The following DHRSX variants were observed in gnomAD, a reference collection of about 807,000 sequenced individuals.
DHRSX encodes dehydrogenase/reductase X-linked, also known as polyprenol dehydrogenase.
A neutral mutation model predicts 34.0 loss-of-function variants in DHRSX; 31 were observed. The observed-to-expected ratio is 0.91, with a 90% CI of 0.69 to 1.23. The LOEUF is 1.23. Among genes scored for constraint, DHRSX ranks in the 50% most tolerant of loss-of-function variants. DHRSX has a pLI of 0.00. For synonymous variants in DHRSX, 201 were observed against 183.8 expected, an observed-to-expected ratio of 1.09 and a Z score of -0.76; for missense variants, 414 against 428.1, an observed-to-expected ratio of 0.97 and a Z score of 0.29.
At chrX:2,304,107 AGATGGATGGATGGATAAATG>A (rs1569485835) in intron 3 of DHRSX, among the ~76,000 whole-genome samples, 2 of 47,214 alleles carry the variant, frequency 4.2e-5, no homozygotes, top group South Asian at 8.0e-4. Context: ...ATGGATGGAT[AGATGGATGGATGGATAAATG>A]GATGGATGGA....
chrX:2,272,645 C>A lies in DHRSX; in HGVS notation c.389-5698G>T, dbSNP rs1226203372. The stretch of plus-strand genomic sequence containing the variant: ...AAAAGACTGAGCACCTTCAGCCTGA[C>A]ATGCTGGAGAGGCCCCAGGTACCTG... On this transcript the variant is annotated intron_variant, in intron 4 of 6. Transcript: ENST00000334651. 2.6e-5 allele frequency among the ~76,000 whole-genome samples: 4 copies of A among 152,078 alleles called. No homozygotes were observed. In the East Asian group the frequency reaches 7.7e-4, roughly 29 times the overall value.
At chrX:2,223,024 A>T (rs1354766179) in intron 6 of DHRSX, among the ~76,000 whole-genome samples, 1 of 152,182 alleles carries the variant, frequency 6.6e-6, no homozygotes, top group Non-Finnish European at 1.5e-5. Context: ...GGATGGAGCT[A>T]GAGAACTTCC....
chrX:2,456,270 G>C (rs756160312), intron 1 of DHRSX, among the ~76,000 whole-genome samples: 1 of 152,260 alleles, frequency 6.6e-6, no homozygotes, highest in African/African-American at 2.4e-5. Context: ...TGACTCATTT[G>C]TCACAGGTAG....
intron 1 of DHRSX, among the ~76,000 whole-genome samples, chrX:2,477,978 C>T (rs1173965336): frequency 2.0e-5 from 3 of 152,194 alleles, no homozygotes; most frequent in Admixed American, 1.3e-4. Flanking sequence ...CAAGTCTACA[C>T]GGATATAAAG....
At chrX:2,248,246 A>G (rs2016343733) in intron 5 of DHRSX, among the ~76,000 whole-genome samples, 1 of 152,092 alleles carries the variant, frequency 6.6e-6, no homozygotes, top group East Asian at 1.9e-4. Flanking sequence ...ATCTTGGCTA[A>G]TACGGTGAAA....
intron 3 of DHRSX, among the ~76,000 whole-genome samples, chrX:2,357,128 C>G (rs1055544547): frequency 1.3e-5 from 2 of 152,034 alleles, no homozygotes; most frequent in Non-Finnish European, 2.9e-5. Flanking sequence ...CCTGTAATGC[C>G]AGCTACTCAG....
chrX:2,276,010 A>G (rs1357137605), intron 4 of DHRSX, among the ~76,000 whole-genome samples: 1 of 151,782 alleles, frequency 6.6e-6, no homozygotes, highest in Non-Finnish European at 1.5e-5. Context: ...TGCCCAGCTA[A>G]TTTCTGTATT....
At chrX:2,433,648 T>A (rs1434556666) in intron 1 of DHRSX, among the ~76,000 whole-genome samples, 1 of 152,084 alleles carries the variant, frequency 6.6e-6, no homozygotes, top group Non-Finnish European at 1.5e-5. Flanking sequence ...AGTGAGAACA[T>A]GTGGTGTTTG....
chrX:2,293,842 GC>G (rs967808754), intron 3 of DHRSX, among the ~76,000 whole-genome samples: 5 of 152,008 alleles, frequency 3.3e-5, no homozygotes, highest in Non-Finnish European at 5.9e-5. Flanking sequence ...GTCTGCCTGT[GC>G]CCCCCATGTC....
At chrX:2,364,668 ATCT>A (rs1467554441) in intron 3 of DHRSX, among the ~76,000 whole-genome samples, 1 of 152,126 alleles carries the variant, frequency 6.6e-6, no homozygotes, top group Non-Finnish European at 1.5e-5. Context: ...ACCATTTATC[ATCT>A]ATCATCTACT....
At chrX:2,242,540 T>C (rs1458050940) in intron 6 of DHRSX, among the ~76,000 whole-genome samples, 6 of 151,766 alleles carry the variant, frequency 4.0e-5, no homozygotes, top group Non-Finnish European at 8.8e-5. Context: ...AGTCGCAGGA[T>C]GAGATAAGAG....
At chrX:2,301,659 G>A (rs1413624334) in intron 3 of DHRSX, among the ~76,000 whole-genome samples, 23 of 152,110 alleles carry the variant, frequency 1.5e-4, no homozygotes, top group Admixed American at 1.5e-3. Context: ...TGTTGTTTGA[G>A]ATGGAGTTTC....
rs781362868 is a variant in DHRSX, at chrX:2,266,904, G to A, written c.432C>T (p.Phe144=). ...MVPQRKTRDG[F]EEHFGLNYLG... is the part of the protein sequence containing the mutation. Reference sequence around the variant, plus strand: ...GGTAGTTCAGGCCGAAATGTTCTTCGAATCCATCTCTGGTTTTCCTCTGAG... The same window carrying A: ...GGTAGTTCAGGCCGAAATGTTCTTCAAATCCATCTCTGGTTTTCCTCTGAG... Residue 144 remains phenylalanine (F), a synonymous_variant, in exon 5 of 7, where the codon TTC becomes TTT. Transcript: ENST00000334651. 1.2e-6 allele frequency: 2 copies of A among 1,613,820 alleles called. No individual in the cohort carries two copies. Among genetic ancestry groups the A allele is most frequent in the Non-Finnish European group, 1.7e-6 (2 of 1,179,870 alleles).
intron 1 of DHRSX, among the ~76,000 whole-genome samples, chrX:2,438,179 A>G (rs1381439133): frequency 5.0e-4 from 3 of 6,046 alleles, no homozygotes; most frequent in Non-Finnish European, 8.0e-4. Context: ...TCCATCTCAG[A>G]AAAAAAAAAA....
chrX:2,384,752 C>T (rs941519740), intron 3 of DHRSX, among the ~76,000 whole-genome samples: 30 of 74,506 alleles, frequency 4.0e-4, no homozygotes, highest in African/African-American at 1.6e-3. Context: ...TCACACTCTG[C>T]GGACTGTTGT....
intron 3 of DHRSX, among the ~76,000 whole-genome samples, chrX:2,402,773 C>G (rs986787282): frequency 3.2e-4 from 49 of 151,882 alleles, no homozygotes; most frequent in Non-Finnish European, 1.6e-4. Flanking sequence ...TATTTTGATA[C>G]AGGCATGCAA....
At chrX:2,223,034 C>T (rs1267044618) in intron 6 of DHRSX, among the ~76,000 whole-genome samples, 1 of 152,124 alleles carries the variant, frequency 6.6e-6, no homozygotes, top group Non-Finnish European at 1.5e-5. Context: ...AGAGAACTTC[C>T]CAAGTCTGGA....
At position 2,223,502 on chromosome X, in the gene DHRSX, C is replaced by T. The variant is rs150022393; in HGVS notation, c.805-2273G>A. Among the ~76,000 whole-genome samples the T allele has an allele frequency of 1.2e-4, 18 of 152,130 alleles. 1 individual carries two copies. Among genetic ancestry groups the T allele is most frequent in the South Asian group, 4.1e-4 (2 of 4,826 alleles). On this transcript the variant is annotated intron_variant, in intron 6 of 6. Coordinates refer to ENST00000334651, the MANE Select transcript of DHRSX (RefSeq NM_145177.3). ...AAAACATCTCGGGGGCGGATGCAGGCGCCATGGCTTGGCTCTTGCAGGGGA... is the reference window on the plus strand; with the variant it reads ...AAAACATCTCGGGGGCGGATGCAGGTGCCATGGCTTGGCTCTTGCAGGGGA...
At chrX:2,464,163 G>A (rs17842864) in intron 1 of DHRSX, among the ~76,000 whole-genome samples, 34,561 of 146,944 alleles carry the variant, frequency 0.24, 4,404 homozygotes, top group African/African-American at 0.35. Context: ...AGAATGCAGC[G>A]AAGAGATGGC....
Sources: allele counts gnomAD v4.1 joint callset (sites outside exome capture counted in the v4.1 genomes callset), GRCh38; gene constraint gnomAD v4.1.1; transcripts MANE v1.5; gene names NCBI Gene and HGNC (gene_info 2026-07-23, HGNC 2026-07-21).